Variants in PVT1 observed in about 807,000 individuals in gnomAD.
PVT1 encodes the protein Pvt1 oncogene, also known as CXCR4/PVT1 fusion.
At chr8:127,995,448 T>C (rs1169929271) in intron 4 of PVT1, among the ~76,000 whole-genome samples, 1 of 152,238 alleles carries the variant, frequency 6.6e-6, no homozygotes, top group African/African-American at 2.4e-5. Context: ...GCTTTTCTTT[T>C]AAGATACACC....
At chr8:127,961,115 G>C (rs915350453) in intron 3 of PVT1, among the ~76,000 whole-genome samples, 5 of 152,170 alleles carry the variant, frequency 3.3e-5, no homozygotes, top group Non-Finnish European at 7.3e-5. Flanking sequence ...GAGGCAGGAG[G>C]GAGACAGGAA....
intron 3 of PVT1, among the ~76,000 whole-genome samples, chr8:127,952,069 C>G (rs1816511830): frequency 6.6e-6 from 1 of 152,168 alleles, no homozygotes; most frequent in African/African-American, 2.4e-5. Flanking sequence ...CTGCCTTGGC[C>G]TCCCAAAGTG....
intron 3 of PVT1, among the ~76,000 whole-genome samples, chr8:127,918,184 A>G (rs561976301): frequency 6.6e-6 from 1 of 152,326 alleles, no homozygotes; most frequent in African/African-American, 2.4e-5. Flanking sequence ...CCAGTGGTGA[A>G]ATATAGAGGA....
chr8:127,997,800 T>C (rs775630741), intron 4 of PVT1, among the ~76,000 whole-genome samples: 1 of 152,248 alleles, frequency 6.6e-6, no homozygotes, highest in Non-Finnish European at 1.5e-5. Context: ...CTTTAGTTTT[T>C]ACCTGGTCCA....
intron 4 of PVT1, among the ~76,000 whole-genome samples, chr8:128,026,783 G>A (rs1563669237): frequency 6.6e-6 from 1 of 152,172 alleles, no homozygotes; most frequent in Non-Finnish European, 1.5e-5. Flanking sequence ...GCACAGAACT[G>A]TAGTGTGCAA....
intron 3 of PVT1, among the ~76,000 whole-genome samples, chr8:127,970,401 C>T (rs1816752511): frequency 6.7e-6 from 1 of 149,546 alleles, no homozygotes; most frequent in African/African-American, 2.4e-5. Context: ...AGGCTCACGC[C>T]ATTCACCTGC....
chr8:127,927,166 A>G (rs989041479), intron 3 of PVT1, among the ~76,000 whole-genome samples: 2 of 152,212 alleles, frequency 1.3e-5, no homozygotes, highest in Admixed American at 6.5e-5. Flanking sequence ...AACTTCTTCT[A>G]TGAAAATGGG....
At chr8:127,876,588 G>T (rs1815407625) in intron 2 of PVT1, among the ~76,000 whole-genome samples, 1 of 151,810 alleles carries the variant, frequency 6.6e-6, no homozygotes, top group Non-Finnish European at 1.5e-5. Context: ...TTCCCTGGAT[G>T]ATATTAGCAT....
chr8:128,097,981 C>T (rs899711277), intron 6 of PVT1, among the ~76,000 whole-genome samples: 2 of 152,258 alleles, frequency 1.3e-5, no homozygotes, highest in East Asian at 1.9e-4. Context: ...CTGCCCTACC[C>T]GGCACCTGGA....
At position 128,036,536 on chromosome 8, in the gene PVT1, G is replaced by A. The variant is rs915291141; in HGVS notation, n.913-33624G>A. ...GCAGTGGGAGGAGGCAGGGGTGCCC[G>A]AGACCCAGCGCTTCTGGGGGGCTGG... On this transcript the variant is annotated intron_variant and non_coding_transcript_variant, in intron 4 of 10. Coordinates refer to ENST00000651587, the Ensembl canonical transcript of PVT1. Among the ~76,000 whole-genome samples, 4 of 152,178 alleles carry A rather than the reference G, an allele frequency of 2.6e-5. No individual in the cohort carries two copies. The East Asian group carries it at 5.8e-4, about 22-fold the overall frequency.
intron 4 of PVT1, among the ~76,000 whole-genome samples, chr8:128,021,548 C>T (rs1388565334): frequency 1.3e-5 from 2 of 152,074 alleles, no homozygotes; most frequent in East Asian, 3.9e-4. Flanking sequence ...CCTCCTCGGC[C>T]TCCCAAAGTG....
chr8:127,943,170 G>A (rs76883406), intron 3 of PVT1, among the ~76,000 whole-genome samples: 1,717 of 152,286 alleles, frequency 0.011, 17 homozygotes, highest in Middle Eastern at 0.068. Context: ...GAGTGTTCCT[G>A]CCCGTTGATG....
At chr8:128,044,607 A>AAGGACTC (rs1813589462) in intron 4 of PVT1, among the ~76,000 whole-genome samples, 1 of 152,206 alleles carries the variant, frequency 6.6e-6, no homozygotes, top group African/African-American at 2.4e-5. Flanking sequence ...GCAACACAGT[A>AAGGACTC]AGGACTCAGT....
intron 4 of PVT1, among the ~76,000 whole-genome samples, chr8:128,058,700 C>T (rs1813792031): frequency 6.6e-6 from 1 of 152,174 alleles, no homozygotes; most frequent in African/African-American, 2.4e-5. Context: ...TTTATGAGGA[C>T]ATATTCCCAT....
intron 2 of PVT1, among the ~76,000 whole-genome samples, chr8:127,842,114 A>G (rs1235106079): frequency 6.6e-6 from 1 of 151,338 alleles, no homozygotes; most frequent in Non-Finnish European, 1.5e-5. Flanking sequence ...TAAAAGTTGT[A>G]TGGCCCATTT....
chr8:128,021,432 C>T (rs532376152), intron 4 of PVT1, among the ~76,000 whole-genome samples: 326 of 151,536 alleles, frequency 2.2e-3, no homozygotes, highest in African/African-American at 7.4e-3. Flanking sequence ...TAGCTGGGAC[C>T]ACAGGCGCCC....
intron 6 of PVT1, among the ~76,000 whole-genome samples, chr8:128,097,545 GAA>G (rs1276592084): frequency 6.6e-6 from 1 of 152,112 alleles, no homozygotes; most frequent in African/African-American, 2.4e-5. Flanking sequence ...GCCCTTTACA[GAA>G]AAAGTGTGCC....
chr8:128,043,515 G>A (rs1256008760), intron 4 of PVT1, among the ~76,000 whole-genome samples: 9 of 152,094 alleles, frequency 5.9e-5, no homozygotes, highest in African/African-American at 1.9e-4. Flanking sequence ...CATGGCATTC[G>A]CTCGCTCATA....
chr8:127,811,634 G>T (rs1197990679), intron 2 of PVT1, among the ~76,000 whole-genome samples: 4 of 152,212 alleles, frequency 2.6e-5, no homozygotes, highest in African/African-American at 9.7e-5. Context: ...GTGATAGTCT[G>T]TATGTGCCTG....
Sources: allele counts gnomAD v4.1 joint callset (sites outside exome capture counted in the v4.1 genomes callset), GRCh38; gene constraint gnomAD v4.1.1; transcripts MANE v1.5; gene names NCBI Gene and HGNC (gene_info 2026-07-23, HGNC 2026-07-21).